RTEL1: variants seen among roughly 807,000 people sequenced by gnomAD.
RTEL1 encodes the protein regulator of telomere elongation helicase 1.
In RTEL1, 86 loss-of-function variants were observed where a neutral mutation model predicts 162.2. The ratio of observed to expected loss-of-function variants is 0.53; its 90% CI spans 0.45 to 0.63. The LOEUF is 0.63. RTEL1 is among the 30% of genes least tolerant of loss of function. The pLI is 0.00. For synonymous variants in RTEL1, 958 were observed against 717.9 expected (o/e 1.33, Z -5.35); for missense variants, 1,941 against 1,750.2 (o/e 1.11, Z -1.95).
At chr20:63,679,122 CAGTCT>C (rs1569096216) in intron 12 of RTEL1, among the ~76,000 whole-genome samples, 3 of 152,180 alleles carry the variant, frequency 2.0e-5, no homozygotes, top group African/African-American at 7.2e-5. Flanking sequence ...CGTGGGGCTC[CAGTCT>C]TCTCCGCAGC....
chr20:63,689,188 T>C, intron 22 of RTEL1, 56 bp downstream of exon 22: 1 of 1,516,558 alleles, frequency 6.6e-7, no homozygotes, highest in Non-Finnish European at 9.1e-7. Context: ...TGGTGGGTGC[T>C]TATGGCTCCC....
At position 63,695,443 on chromosome 20, in the gene RTEL1, C is replaced by T. The variant is rs797045923; in HGVS notation, c.3615C>T (p.Ser1205=). 3.0e-5 allele frequency: 48 copies of T among 1,581,478 alleles called. No individual in the cohort carries two copies. The highest frequency in any genetic ancestry group is 4.0e-5 in the Non-Finnish European group (46 of 1,163,046). ...AGGEDAGPSQ[S]SGPPHGPAAS... ...GTGAGGATGCAGGTCCCAGCCAGTC[C>T]TCAGGACCTCCCCACGGGCCTGCAG... Residue 1205 remains serine (S), a synonymous_variant, in exon 34 of 35, where the codon TCC becomes TCT. Coordinates refer to ENST00000360203, the MANE Select transcript of RTEL1 (RefSeq NM_001283009.2).
chr20:63,659,627 A>T, intron 2 of RTEL1, 123 bp downstream of exon 2: 1 of 747,370 alleles, frequency 1.3e-6, no homozygotes, highest in Admixed American at 2.1e-5. Context: ...CGTCTGTCAT[A>T]AAAAGGGCTG....
chr20:63,661,174 C>T lies in RTEL1; in HGVS notation c.103-124C>T. On this transcript the variant is annotated intron_variant, in intron 2 of 34. Coordinates refer to ENST00000360203, the MANE Select transcript of RTEL1 (RefSeq NM_001283009.2). This position sits in a 1 kb window ranked among gnomAD's most constrained non-coding sequence, Gnocchi z 5.1. ...CCGCGGTCCCACAGGGCTCTCGCCA[C>T]CTGGCAGTGGCCTCTGCATCTGCAA... 2.4e-6 allele frequency: 2 copies of T among 850,720 alleles called. No individual in the cohort carries two copies. Among genetic ancestry groups the T allele is most frequent in the South Asian group, 1.7e-5 (1 of 60,034 alleles). The allele number at this position is 850,720 out of a possible 1,614,324, so 52.7% of individuals were successfully genotyped here. A position where few individuals can be genotyped will look rare whatever the true frequency, so the allele number is the denominator to read the frequency against.
intron 14 of RTEL1, 34 bp from the exon 15 acceptor site, chr20:63,685,489 C>T (rs768079440): frequency 6.2e-7 from 1 of 1,605,966 alleles, no homozygotes; most frequent in Non-Finnish European, 8.5e-7. Context: ...TGGCCTCAGG[C>T]TCCTGACGGG....
intron 7 of RTEL1, 83 bp downstream of exon 7, chr20:63,666,162 T>C: frequency 9.3e-7 from 1 of 1,076,340 alleles, no homozygotes; most frequent in African/African-American, 1.6e-5. Context: ...GATATATTTC[T>C]TCACTTTTCT....
chr20:63,683,582 GC>G (rs1270271614), intron 14 of RTEL1, among the ~76,000 whole-genome samples: 1 of 152,180 alleles, frequency 6.6e-6, no homozygotes, highest in Non-Finnish European at 1.5e-5. Flanking sequence ...CGTGGTGTCT[GC>G]CCCCCGGTGT....
chr20:63,689,904 A>G lies in RTEL1; in HGVS notation c.2141+39A>G, dbSNP rs112022373. The G allele has an allele frequency of 1.2e-3, 1,890 of 1,567,630 alleles. 24 individuals are homozygous for G. The African/African-American group carries it at 0.023, about 19-fold the overall frequency. On this transcript the variant is annotated intron_variant, in intron 24 of 34. Transcript: ENST00000360203. ...GGTGGCAGGCGCGGCGCCAGGGGAC[A>G]CGCCCACACCCCACTGGGCCCCTGG...
chr20:63,681,388 C>A, intron 14 of RTEL1: 1 of 985,312 alleles, frequency 1.0e-6, no homozygotes, highest in Non-Finnish European at 1.2e-6. Context: ...ACTCAGAAGT[C>A]CCTGACTGGG....
At chr20:63,670,628 G>C (rs371426177) in intron 8 of RTEL1, among the ~76,000 whole-genome samples, 2 of 152,214 alleles carry the variant, frequency 1.3e-5, no homozygotes, top group Non-Finnish European at 2.9e-5. Context: ...CTGTGAAGTT[G>C]TGTAGCCACT....
chr20:63,676,144 C>T (rs1393318215), intron 10 of RTEL1, among the ~76,000 whole-genome samples: 2 of 152,074 alleles, frequency 1.3e-5, no homozygotes, highest in Admixed American at 1.3e-4. Context: ...TCACGGCTCA[C>T]TGCAGCCTCC....
Position 63,668,949 on chromosome 20 carries a change from G to A in RTEL1, c.699+1396G>A. On this transcript the variant is annotated intron_variant, in intron 8 of 34. Coordinates refer to ENST00000360203, the MANE Select transcript of RTEL1 (RefSeq NM_001283009.2). This position sits in a 1 kb window ranked among gnomAD's most constrained non-coding sequence, Gnocchi z 4.3. ...CAGGCACAGGCCTGCAGGCCATGGA[G>A]AAGGCAGCAAGCTCAAGCTGACCCA... is the stretch of plus-strand genomic sequence containing the variant. Among the ~76,000 whole-genome samples the A allele has an allele frequency of 6.6e-6, 1 of 152,204 alleles. No individual in the cohort carries two copies. Among genetic ancestry groups the A allele is most frequent in the East Asian group, 1.9e-4 (1 of 5,198 alleles).
At chr20:63,691,158 T>G (rs1453202541) in intron 27 of RTEL1, among the ~76,000 whole-genome samples, 1 of 151,964 alleles carries the variant, frequency 6.6e-6, no homozygotes, top group Admixed American at 6.5e-5. Flanking sequence ...TCCCAGGTGG[T>G]GCATGCCCTG....
At chr20:63,666,171 C>T (rs1381926890) in intron 7 of RTEL1, 92 bp downstream of exon 7, 5 of 1,009,628 alleles carry the variant, frequency 5.0e-6, no homozygotes, top group Admixed American at 2.4e-5. Context: ...CTTCACTTTT[C>T]TTTGTTCCTT....
chr20:63,694,787 A>C lies in RTEL1; in HGVS notation c.3156A>C (p.Ala1052=), dbSNP rs2145474659. Reference sequence around the variant, plus strand: ...AGTGGGGGTCTGGAGTGCCCAGAGCAGGGAAGCAGGGCCAGCACGCCGTGA... The same window carrying C: ...AGTGGGGGTCTGGAGTGCCCAGAGCCGGGAAGCAGGGCCAGCACGCCGTGA... ...QPQWGSGVPR[A]GKQGQHAVSA... is the part of the protein sequence containing the mutation. Residue 1052 remains alanine, a synonymous_variant, in exon 32 of 35, where the codon GCA becomes GCC. Coordinates refer to ENST00000360203, the MANE Select transcript of RTEL1 (RefSeq NM_001283009.2). 6.2e-7 allele frequency: 1 copy of C among 1,612,032 alleles called. No individual in the cohort carries two copies. Among genetic ancestry groups the C allele is most frequent in the Non-Finnish European group, 8.5e-7 (1 of 1,179,592 alleles).
intron 27 of RTEL1, among the ~76,000 whole-genome samples, chr20:63,691,459 C>T (rs1262596503): frequency 6.6e-6 from 1 of 152,146 alleles, no homozygotes; most frequent in African/African-American, 2.4e-5. Flanking sequence ...GGTGCAGGCA[C>T]CAGGCACCTG....
chr20:63,676,295 C>G (rs556883393), intron 10 of RTEL1, among the ~76,000 whole-genome samples: 2 of 152,094 alleles, frequency 1.3e-5, no homozygotes, highest in Non-Finnish European at 2.9e-5. Flanking sequence ...GAGCCCAGGC[C>G]GTTTACCCTG....
intron 14 of RTEL1, among the ~76,000 whole-genome samples, chr20:63,683,995 A>T (rs2090536839): frequency 6.6e-6 from 1 of 151,732 alleles, no homozygotes; most frequent in African/African-American, 2.4e-5. Context: ...TCCTTGTCTC[A>T]TGCTGGTCAT....
chr20:63,694,243 C>T (rs2090906398), intron 30 of RTEL1, 129 bp from the exon 31 acceptor site: 1 of 771,662 alleles, frequency 1.3e-6, no homozygotes, highest in Non-Finnish European at 2.3e-6. Flanking sequence ...AGGCGTGTAC[C>T]TGCCTGGGTT....
Sources: gnomAD v4.1 joint callset for allele counts (sites outside exome capture counted in the v4.1 genomes callset) on GRCh38, gnomAD v4.1.1 for gene constraint, Gnocchi (gnomAD v3.1) non-coding constraint, MANE v1.5 for transcripts, NCBI Gene and HGNC (gene_info 2026-07-23, HGNC 2026-07-21) for gene names.